AGBL2: variants seen among roughly 807,000 people sequenced by gnomAD.
The protein encoded by AGBL2 is AGBL carboxypeptidase 2, also known as cytosolic carboxypeptidase 2.
A neutral mutation model predicts 103.0 loss-of-function variants in AGBL2; 87 were observed. The ratio of observed to expected loss-of-function variants is 0.84; its 90% CI spans 0.71 to 1.01. The LOEUF is 1.01. Ranked by LOEUF, AGBL2 falls within the 50% of genes least tolerant of loss-of-function variation. AGBL2 has a pLI of 0.00. For synonymous variants in AGBL2, 335 were observed against 356.7 expected (o/e 0.94, Z 0.69); for missense variants, 904 against 1,023.5 (o/e 0.88, Z 1.59).
At chr11:47,699,345 C>G in intron 8 of AGBL2, 101 bp downstream of exon 8, 1 of 656,962 alleles carries the variant, frequency 1.5e-6, no homozygotes, top group South Asian at 2.8e-5. Context: ...AAAGAGTTTA[C>G]CACTAAACTA....
chr11:47,704,583 T>A lies in AGBL2; in HGVS notation c.546A>T (p.Pro182=). 2 of 1,614,036 alleles carry A rather than the reference T, an allele frequency of 1.2e-6. No homozygotes were observed. Among genetic ancestry groups the A allele is most frequent in the Non-Finnish European group, 1.7e-6 (2 of 1,179,994 alleles). Residue 182 remains proline (P), a synonymous_variant, in exon 7 of 19, where the codon CCA becomes CCT. Transcript: ENST00000525123. ...TKRPLQAPRW[P]IECEVIKENI... ...TTTCCTTGATGACCTCACATTCAAT[T>A]GGCCATCTTGGAGCCTGCAGTGGCC... is the stretch of plus-strand genomic sequence containing the variant.
chr11:47,708,994 C>T (rs989030893), intron 4 of AGBL2, among the ~76,000 whole-genome samples: 1 of 151,184 alleles, frequency 6.6e-6, no homozygotes, highest in South Asian at 2.1e-4. Context: ...TGGTGGCGGG[C>T]GCCTGTAATC....
At chr11:47,688,306 G>A (rs1191495206) in intron 10 of AGBL2, among the ~76,000 whole-genome samples, 2 of 152,044 alleles carry the variant, frequency 1.3e-5, no homozygotes, top group Admixed American at 1.3e-4. Context: ...GTAGCCTTGC[G>A]TAAGTTGACA....
intron 14 of AGBL2, among the ~76,000 whole-genome samples, chr11:47,670,998 A>C (rs1014780076): frequency 2.6e-5 from 4 of 152,144 alleles, no homozygotes; most frequent in Non-Finnish European, 5.9e-5. Flanking sequence ...TTTCTAAAAA[A>C]AAAAAAAGGT....
At chr11:47,678,338 A>ATTATTTTTTTTTTTT (rs1565026654) in intron 13 of AGBL2, among the ~76,000 whole-genome samples, 85 of 95,160 alleles carry the variant, frequency 8.9e-4, no homozygotes, top group Non-Finnish European at 1.2e-3. Flanking sequence ...TTATTTTATT[A>ATTATTTTTTTTTTTT]TTTTATTTTT....
intron 14 of AGBL2, 35 bp downstream of exon 14, chr11:47,677,236 T>TAA: frequency 6.9e-6 from 10 of 1,453,142 alleles, no homozygotes; most frequent in East Asian, 2.6e-5. Context: ...ACAAAGTATT[T>TAA]AAAAAAAAAC....
At chr11:47,686,447 GTTTTTTT>G (rs563969184) in intron 10 of AGBL2, among the ~76,000 whole-genome samples, 1 of 105,078 alleles carries the variant, frequency 9.5e-6, no homozygotes, top group African/African-American at 3.5e-5. Context: ...TTTGTTTCTG[GTTTTTTT>G]TTTTTTTTTT....
Position 47,659,641 on chromosome 11 carries a change from T to C in AGBL2, c.*532A>G, listed in dbSNP as rs1021445521. 8.5e-5 allele frequency: 13 copies of C among 152,192 alleles called. No individual in the cohort carries two copies. The highest frequency in any genetic ancestry group is 8.5e-4 in the Admixed American group (13 of 15,258). 9.4% of individuals were successfully genotyped at this position (152,192 alleles called of 1,614,324 possible). ...AGCCTAAAAAAATTACAAAACCTCA[T>C]TGAACATAAGGTACGCAACATTAAA... On this transcript the variant is annotated 3_prime_UTR_variant, in exon 19 of 19. Coordinates refer to ENST00000525123, the MANE Select transcript of AGBL2 (RefSeq NM_024783.4).
In AGBL2 at chr11:47,690,551, C is replaced by A; in HGVS notation, c.1156G>T (p.Asp386Tyr). ...CLTWTIQFPY[D>Y]QDTCFFAHFY... ...TGTGCAAAGAAGCAAGTGTCCTGGT[C>A]ATATGGAAACTGAATGGTCCACGTG... The change falls in exon 10 of 19, where the codon GAC becomes TAC. Residue 386 changes from aspartate (D) to tyrosine (Y), a missense_variant. Transcript: ENST00000525123. 2 of 1,614,104 alleles carry A rather than the reference C, an allele frequency of 1.2e-6. No homozygotes were observed. The highest frequency in any genetic ancestry group is 2.2e-5 in the South Asian group (2 of 91,036).
intron 15 of AGBL2, among the ~76,000 whole-genome samples, chr11:47,668,360 G>A (rs1389744428): frequency 6.6e-6 from 1 of 151,902 alleles, no homozygotes; most frequent in Non-Finnish European, 1.5e-5. Context: ...AGCCGGGCGT[G>A]GTGGCATGTG....
intron 5 of AGBL2, 30 bp from the exon 6 acceptor site, chr11:47,705,664 G>GA (rs1335558784): frequency 1.9e-6 from 1 of 525,374 alleles, no homozygotes; most frequent in African/African-American, 2.0e-5. Context: ...AAAAGAAAAA[G>GA]AAAAAGAAGA....
intron 7 of AGBL2, among the ~76,000 whole-genome samples, chr11:47,700,528 G>A (rs943744900): frequency 6.6e-6 from 1 of 152,082 alleles, no homozygotes; most frequent in Non-Finnish European, 1.5e-5. Flanking sequence ...GCAGTGAACC[G>A]AGATCACGCC....
At chr11:47,692,298 T>C (rs1364343211) in intron 8 of AGBL2, 42 bp from the exon 9 acceptor site, 3 of 1,577,938 alleles carry the variant, frequency 1.9e-6, no homozygotes, top group Non-Finnish European at 2.6e-6. Context: ...CTACTCAGAA[T>C]CCACTCATTC....
At chr11:47,685,343 G>A (rs1429504044) in intron 11 of AGBL2, among the ~76,000 whole-genome samples, 1 of 151,926 alleles carries the variant, frequency 6.6e-6, no homozygotes, top group Non-Finnish European at 1.5e-5. Flanking sequence ...TGAACTCCTG[G>A]GCTCAAGCAA....
intron 4 of AGBL2, 112 bp from the exon 5 acceptor site, chr11:47,706,029 TTCTA>T (rs2097517717): frequency 7.3e-6 from 6 of 823,900 alleles, no homozygotes; most frequent in Non-Finnish European, 1.2e-5. Flanking sequence ...ACCCCTGCAT[TTCTA>T]TCTAAATCTT....
In AGBL2 at chr11:47,714,665, G is replaced by A. The variant is rs958464909; in HGVS notation, c.-15C>T. On this transcript the variant is annotated 5_prime_UTR_variant, in exon 2 of 19. Transcript: ENST00000525123. ...GCTGGGAACATGTTACTTCTGGATG[G>A]TAGGCTGAAAACTAGTCAGTGACAT... The A allele has an allele frequency of 6.2e-7, 1 of 1,613,762 alleles. No individual in the cohort carries two copies. Among genetic ancestry groups the A allele is most frequent in the South Asian group, 1.1e-5 (1 of 91,056 alleles).
chr11:47,670,447 T>C (rs1157173981), intron 14 of AGBL2, among the ~76,000 whole-genome samples: 1 of 151,992 alleles, frequency 6.6e-6, no homozygotes, highest in Non-Finnish European at 1.5e-5. Flanking sequence ...ATTGTGCCAC[T>C]GCACTCCAGT....
intron 14 of AGBL2, among the ~76,000 whole-genome samples, chr11:47,676,224 T>A (rs1425535787): frequency 6.6e-6 from 1 of 152,094 alleles, no homozygotes; most frequent in Non-Finnish European, 1.5e-5. Flanking sequence ...TAAAGGCAAC[T>A]CCATCCAACC....
chr11:47,680,040 T>A lies in AGBL2; in HGVS notation c.1949A>T (p.Asp650Val). 1 of 1,612,120 alleles carries A rather than the reference T, an allele frequency of 6.2e-7. No individual in the cohort carries two copies. The highest frequency in any genetic ancestry group is 8.5e-7 in the Non-Finnish European group (1 of 1,178,676). The change falls in exon 13 of 19, where the codon GAT (aspartate) becomes GTT (valine). Residue 650 changes from aspartate (D) to valine (V), a missense_variant. Physicochemically the swap from Asp to Val is radical, Grantham distance 152 (BLOSUM62 -3). Transcript: ENST00000525123. Reference sequence around the variant, plus strand: ...GACATGATAACCTAAGGACTTCAGATCTTCGATGGTAAAGTGGGTGTCTCT... The same window carrying A: ...GACATGATAACCTAAGGACTTCAGAACTTCGATGGTAAAGTGGGTGTCTCT... ...NKRDTHFTIEDLKSLGYHVCD... is the reference protein window; with the variant it reads ...NKRDTHFTIEVLKSLGYHVCD...
Sources: allele counts gnomAD v4.1 joint callset (sites outside exome capture counted in the v4.1 genomes callset), GRCh38; gene constraint gnomAD v4.1.1; transcripts MANE v1.5; gene names NCBI Gene and HGNC (gene_info 2026-07-23, HGNC 2026-07-21).